MSRB3: variants seen among roughly 807,000 people sequenced by gnomAD.
MSRB3 encodes the protein methionine sulfoxide reductase B3.
In MSRB3, 13 loss-of-function variants were observed where a neutral mutation model predicts 21.0. The ratio of observed to expected loss-of-function variants is 0.62; its 90% CI spans 0.40 to 0.98. The LOEUF is 0.98. MSRB3 is among the 50% of genes least tolerant of loss of function. The pLI, the probability that MSRB3 is intolerant of heterozygous loss-of-function variation, is 0.00. For synonymous variants in MSRB3, 87 were observed against 88.6 expected, an observed-to-expected ratio of 0.98 and a Z score of 0.10; for missense variants, 199 against 230.3, an observed-to-expected ratio of 0.86 and a Z score of 0.88.
intron 4 of MSRB3, among the ~76,000 whole-genome samples, chr12:65,349,168 T>C (rs1876754667): frequency 6.6e-6 from 1 of 152,082 alleles, no homozygotes; most frequent in Admixed American, 6.6e-5. Flanking sequence ...ATTTGGTTTT[T>C]TGTTCTTGCG....
chr12:65,283,268 G>A (rs1430850013), intron 1 of MSRB3, among the ~76,000 whole-genome samples: 2 of 152,112 alleles, frequency 1.3e-5, no homozygotes, highest in Admixed American at 6.5e-5. Flanking sequence ...GGTAGTTTGT[G>A]ACATTTTCTT....
intron 2 of MSRB3, among the ~76,000 whole-genome samples, chr12:65,325,128 T>C (rs1565833966): frequency 1.3e-5 from 2 of 152,220 alleles, no homozygotes; most frequent in African/African-American, 4.8e-5. Flanking sequence ...AACTCACCTA[T>C]CACTGTTGAC....
At position 65,301,097 on chromosome 12, in the gene MSRB3, C is replaced by T. The variant is rs57896671; in HGVS notation, c.-51-7432C>T. Among the ~76,000 whole-genome samples, 1,380 of 152,126 alleles carry T rather than the reference C, an allele frequency of 9.1e-3. 25 individuals are homozygous for T. Among genetic ancestry groups the T allele is most frequent in the African/African-American group, 0.032 (1,340 of 41,510 alleles). On this transcript the variant is annotated intron_variant, in intron 1 of 6. Coordinates refer to ENST00000308259, the MANE Select transcript of MSRB3 (RefSeq NM_001031679.3). ...TTAAATGAGGTTACACACATATATA[C>T]ACACACACAGACACACACATACACA...
At chr12:65,336,672 T>G (rs1875782546) in intron 4 of MSRB3, among the ~76,000 whole-genome samples, 2 of 152,248 alleles carry the variant, frequency 1.3e-5, no homozygotes, top group South Asian at 2.1e-4. Flanking sequence ...ATCAGAAAAT[T>G]AATATTATTC....
At chr12:65,323,321 A>G (rs1874807259) in intron 2 of MSRB3, among the ~76,000 whole-genome samples, 1 of 152,238 alleles carries the variant, frequency 6.6e-6, no homozygotes, top group Non-Finnish European at 1.5e-5. Flanking sequence ...CTTCGCTATA[A>G]AAAGAGACTT....
intron 2 of MSRB3, among the ~76,000 whole-genome samples, chr12:65,313,811 A>G (rs1385800418): frequency 6.6e-6 from 1 of 152,142 alleles, no homozygotes; most frequent in Non-Finnish European, 1.5e-5. Context: ...GATTTTTTTT[A>G]AAGAAATAGA....
intron 2 of MSRB3, among the ~76,000 whole-genome samples, chr12:65,311,016 T>C (rs989752998): frequency 1.3e-5 from 2 of 152,228 alleles, no homozygotes; most frequent in Non-Finnish European, 2.9e-5. Flanking sequence ...TGGAAATTCA[T>C]GTATCTGTAT....
intron 4 of MSRB3, among the ~76,000 whole-genome samples, chr12:65,353,554 C>CT (rs1174214404): frequency 2.6e-5 from 4 of 151,946 alleles, no homozygotes; most frequent in South Asian, 4.2e-4. Flanking sequence ...CAACCCCTGC[C>CT]TTTTTTTGTT....
chr12:65,352,121 A>C (rs541130566), intron 4 of MSRB3, among the ~76,000 whole-genome samples: 332 of 152,280 alleles, frequency 2.2e-3, no homozygotes, highest in Non-Finnish European at 3.9e-3. Flanking sequence ...CACCATGATC[A>C]AGTGGGCTTC....
intron 4 of MSRB3, among the ~76,000 whole-genome samples, chr12:65,353,588 C>T (rs1877181999): frequency 6.6e-6 from 1 of 152,104 alleles, no homozygotes; most frequent in Non-Finnish European, 1.5e-5. Flanking sequence ...GTAGATCTTC[C>T]TCCATCCCTT....
intron 5 of MSRB3, among the ~76,000 whole-genome samples, chr12:65,442,669 G>T (rs1351364238): frequency 6.6e-6 from 1 of 152,028 alleles, no homozygotes; most frequent in Non-Finnish European, 1.5e-5. Context: ...GGACTGAAGA[G>T]CTTTTGGAAG....
At chr12:65,416,564 C>G (rs116028501) in intron 5 of MSRB3, among the ~76,000 whole-genome samples, 1,814 of 152,298 alleles carry the variant, frequency 0.012, 40 homozygotes, top group African/African-American at 0.042. Flanking sequence ...TTTTAGGCTA[C>G]TAACCTCCAC....
chr12:65,458,328 T>G (rs1207587263), intron 6 of MSRB3, among the ~76,000 whole-genome samples: 2 of 152,208 alleles, frequency 1.3e-5, no homozygotes, highest in South Asian at 4.1e-4. Flanking sequence ...TGCATAGGAA[T>G]TGTAGACTCA....
At chr12:65,422,424 ATATATATT>A (rs1388615912) in intron 5 of MSRB3, among the ~76,000 whole-genome samples, 913 of 74,894 alleles carry the variant, frequency 0.012, 3 homozygotes, top group East Asian at 0.044. Context: ...ATATATATAT[ATATATATT>A]TATTTATTTA....
intron 1 of MSRB3, chr12:65,305,257 G>C (rs774120296): frequency 6.6e-6 from 1 of 151,980 alleles, no homozygotes; most frequent in Admixed American, 6.6e-5. Context: ...TAGTTTCGCC[G>C]TGTTGGTCAG....
chr12:65,341,536 T>C (rs573313845), intron 4 of MSRB3, among the ~76,000 whole-genome samples: 2,123 of 108,734 alleles, frequency 0.02, 41 homozygotes, highest in East Asian at 0.065. Flanking sequence ...AAAAAAATAA[T>C]TGTACATTAA....
At chr12:65,423,554 G>A (rs1180848848) in intron 5 of MSRB3, among the ~76,000 whole-genome samples, 1 of 152,108 alleles carries the variant, frequency 6.6e-6, no homozygotes, top group African/African-American at 2.4e-5. Context: ...TATCATGAAA[G>A]GATGTTGAAT....
chr12:65,444,105 T>C (rs1283253663), intron 5 of MSRB3, among the ~76,000 whole-genome samples: 1 of 152,084 alleles, frequency 6.6e-6, no homozygotes, highest in East Asian at 1.9e-4. Flanking sequence ...GAAGCAAACA[T>C]TAATCAAAAA....
At chr12:65,446,368 A>G (rs944253966) in intron 5 of MSRB3, among the ~76,000 whole-genome samples, 5 of 152,216 alleles carry the variant, frequency 3.3e-5, no homozygotes, top group African/African-American at 7.2e-5. Flanking sequence ...ACAGAGTTAA[A>G]TCTGAGCCAG....
Sources: allele counts gnomAD v4.1 joint callset (sites outside exome capture counted in the v4.1 genomes callset), GRCh38; gene constraint gnomAD v4.1.1; transcripts MANE v1.5; gene names NCBI Gene and HGNC (gene_info 2026-07-23, HGNC 2026-07-21).